SYBU: variants seen among roughly 807,000 people sequenced by gnomAD.
The protein encoded by SYBU is GOLSYN A protein.
SYBU carries 21 observed loss-of-function variants against 35.9 expected under a neutral mutation model. The ratio of observed to expected loss-of-function variants is 0.58; its 90% confidence interval spans 0.41 to 0.84. SYBU has a LOEUF of 0.84. SYBU is among the 40% of genes least tolerant of loss of function. SYBU has a pLI of 0.00. For missense variants in SYBU, 768 were observed against 848.2 expected, an observed-to-expected ratio of 0.91 and a Z score of 1.17; for synonymous variants, 319 against 324.3, an observed-to-expected ratio of 0.98 and a Z score of 0.18.
chr8:109,655,046 A>C (rs183144199), intron 1 of SYBU, among the ~76,000 whole-genome samples: 2 of 152,146 alleles, frequency 1.3e-5, no homozygotes, highest in East Asian at 3.9e-4. Context: ...TCTAGCCTCA[A>C]ATGAAATCTT....
At chr8:109,671,817 T>C (rs1356293836) in intron 1 of SYBU, among the ~76,000 whole-genome samples, 1 of 152,188 alleles carries the variant, frequency 6.6e-6, no homozygotes, top group African/African-American at 2.4e-5. Flanking sequence ...AAAATGAGGA[T>C]GGCATGTTTC....
chr8:109,588,972 C>T (rs1823927596), intron 3 of SYBU, among the ~76,000 whole-genome samples: 1 of 152,040 alleles, frequency 6.6e-6, no homozygotes, highest in Non-Finnish European at 1.5e-5. Context: ...CCAGCCTGGC[C>T]AACATGGCAA....
At chr8:109,586,015 A>C (rs1563685577) in intron 4 of SYBU, 45 bp downstream of exon 4, 1 of 1,397,982 alleles carries the variant, frequency 7.2e-7, no homozygotes. Context: ...CAGGTGAGTC[A>C]CCTGTGTAAA....
chr8:109,648,256 T>C (rs1394692902), upstream of SYBU, among the ~76,000 whole-genome samples: 2 of 129,706 alleles, frequency 1.5e-5, no homozygotes, highest in African/African-American at 7.9e-5. Context: ...AATATATATA[T>C]ACAATAATAT....
At chr8:109,690,180 T>TATGATAATGTA (rs1315316941) in intron 1 of SYBU, among the ~76,000 whole-genome samples, 12 of 152,180 alleles carry the variant, frequency 7.9e-5, no homozygotes, top group Non-Finnish European at 1.5e-4. Flanking sequence ...AAATCTGCAC[T>TATGATAATGTA]ATGATAATGT....
chr8:109,576,968 C>A (rs1300155670), intron 6 of SYBU, among the ~76,000 whole-genome samples: 1 of 152,140 alleles, frequency 6.6e-6, no homozygotes, highest in Non-Finnish European at 1.5e-5. Context: ...AAATCACAGA[C>A]CAAACACTTC....
At chr8:109,671,877 C>T (rs1039921231) in intron 1 of SYBU, among the ~76,000 whole-genome samples, 2 of 152,112 alleles carry the variant, frequency 1.3e-5, no homozygotes, top group African/African-American at 4.8e-5. Context: ...TTTTGAAAAA[C>T]TCATTTATGA....
chr8:109,580,958 C>G (rs1018873301), intron 4 of SYBU: 2 of 152,266 alleles, frequency 1.3e-5, no homozygotes, highest in Non-Finnish European at 2.9e-5. Context: ...TTCACCTGCT[C>G]CCTTCTCTAA....
intron 4 of SYBU, 75 bp downstream of exon 4, chr8:109,585,985 G>A: frequency 2.0e-6 from 2 of 982,362 alleles, no homozygotes; most frequent in Non-Finnish European, 3.1e-6. Flanking sequence ...AATCCGGGTG[G>A]TTCTACAGAT....
intron 1 of SYBU, among the ~76,000 whole-genome samples, chr8:109,662,294 A>T (rs1816591724): frequency 6.6e-6 from 1 of 152,228 alleles, no homozygotes; most frequent in African/African-American, 2.4e-5. Flanking sequence ...AAAATCCAGT[A>T]AAAGCACACA....
rs559538024 is a variant in SYBU, at chr8:109,575,486, A to G, written c.1412T>C (p.Leu471Pro). Residue 471 changes from leucine (L) to proline (P), a missense_variant, in exon 7 of 7, where the codon CTG (leucine) becomes CCG (proline). By Grantham distance (98) the Leu-to-Pro change is moderately conservative. Transcript: ENST00000276646. ...CTCCTCCTGACCCATGACTATGGGCAGCAGCTCCAGGACGTTAGCCCCAGG... is the reference window on the plus strand; with the variant it reads ...CTCCTCCTGACCCATGACTATGGGCGGCAGCTCCAGGACGTTAGCCCCAGG... Reference protein sequence around the residue: ...STPGANVLELLPIVMGQEEGS... With the variant: ...STPGANVLELPPIVMGQEEGS... The G allele has an allele frequency of 3.7e-6, 6 of 1,614,154 alleles. No homozygotes were observed. The South Asian group carries it at 6.6e-5, about 18-fold the overall frequency.
chr8:109,575,236 C>T lies in SYBU; in HGVS notation c.1662G>A (p.Leu554=). ...TGGCGTAGGGGGTCTCCACGGGAGA[C>T]AAAAGGATGGCTGAGTTTGGATTTC... ...TPRNPNSAIL[L]SPVETPYANV... Residue 554 remains leucine, a synonymous_variant, in exon 7 of 7, where the codon TTG becomes TTA. Coordinates refer to ENST00000276646, the MANE Select transcript of SYBU (RefSeq NM_001099754.2). 6.2e-7 allele frequency: 1 copy of T among 1,614,198 alleles called. No homozygotes were observed. The highest frequency in any genetic ancestry group is 8.5e-7 in the Non-Finnish European group (1 of 1,180,042).
intron 2 of SYBU, among the ~76,000 whole-genome samples, chr8:109,637,053 T>C (rs1310332784): frequency 6.6e-6 from 1 of 152,140 alleles, no homozygotes; most frequent in African/African-American, 2.4e-5. Context: ...ATACTCCTCA[T>C]ACCAAATCCC....
intron 6 of SYBU, among the ~76,000 whole-genome samples, chr8:109,576,939 A>G (rs563391016): frequency 4.6e-5 from 7 of 152,236 alleles, no homozygotes; most frequent in South Asian, 4.2e-4. Flanking sequence ...GAGTGCTCCA[A>G]TCCTCCCATG....
intron 3 of SYBU, among the ~76,000 whole-genome samples, chr8:109,595,777 A>C (rs1027882328): frequency 6.6e-6 from 1 of 152,196 alleles, no homozygotes; most frequent in Non-Finnish European, 1.5e-5. Context: ...AACAGCAGGG[A>C]ATGAGGCAAT....
At chr8:109,629,088 G>C (rs1408468455) in intron 2 of SYBU, among the ~76,000 whole-genome samples, 2 of 152,188 alleles carry the variant, frequency 1.3e-5, no homozygotes, top group Non-Finnish European at 2.9e-5. Flanking sequence ...AAACCAAAGA[G>C]AGGAAGGGTG....
chr8:109,605,106 C>G (rs1288647973), intron 3 of SYBU, among the ~76,000 whole-genome samples: 2 of 152,128 alleles, frequency 1.3e-5, no homozygotes, highest in East Asian at 3.9e-4. Flanking sequence ...GAAAGCTCCC[C>G]AGATATGACC....
At chr8:109,640,195 C>T (rs1333381740) in intron 2 of SYBU, among the ~76,000 whole-genome samples, 3 of 152,090 alleles carry the variant, frequency 2.0e-5, no homozygotes, top group East Asian at 1.9e-4. Flanking sequence ...TATCTACTTT[C>T]GATTTTCATG....
At position 109,579,885 on chromosome 8, in the gene SYBU, G is replaced by T. The variant is rs368096226; in HGVS notation, c.648C>A (p.Val216=). ...SMLCRNQLSP[V]NIHPSYAPSS... ...AAGGTGCATAACTGGGATGGATATT[G>T]ACAGGGCTCAGCTGATTCCTGCACA... The change falls in exon 5 of 7, where the codon GTC becomes GTA. Residue 216 remains valine, a synonymous_variant. Coordinates refer to ENST00000276646, the MANE Select transcript of SYBU (RefSeq NM_001099754.2). 95 of 1,568,790 alleles carry T rather than the reference G, an allele frequency of 6.1e-5. No homozygotes were observed. Among genetic ancestry groups the T allele is most frequent in the Non-Finnish European group, 8.1e-5 (93 of 1,153,336 alleles).
Sources: gnomAD v4.1 joint callset for allele counts (sites outside exome capture counted in the v4.1 genomes callset) on GRCh38, gnomAD v4.1.1 for gene constraint, MANE v1.5 for transcripts, NCBI Gene and HGNC (gene_info 2026-07-23, HGNC 2026-07-21) for gene names.